Variants in GPC5 observed in about 807,000 individuals in gnomAD.
GPC5 encodes glypican-5.
A neutral mutation model predicts 53.9 loss-of-function variants in GPC5; 47 were observed. The observed-to-expected ratio is 0.87, with a 90% CI of 0.69 to 1.11. The LOEUF (loss-of-function observed/expected upper bound fraction) is 1.11. Ranked by LOEUF, GPC5 falls within the 50% of genes most tolerant of loss-of-function variation. GPC5 has a pLI of 0.00. For missense variants in GPC5, 748 were observed against 713.1 expected (o/e 1.05, Z -0.56); for synonymous variants, 286 against 263.3 (o/e 1.09, Z -0.84).
chr13:92,355,561 T>C (rs1030190282), intron 7 of GPC5, among the ~76,000 whole-genome samples: 2 of 152,184 alleles, frequency 1.3e-5, no homozygotes, highest in African/African-American at 4.8e-5. Flanking sequence ...TCCCTGTTTT[T>C]CCCCTTTATT....
At chr13:91,670,751 A>G (rs2035226073) in intron 2 of GPC5, among the ~76,000 whole-genome samples, 1 of 152,130 alleles carries the variant, frequency 6.6e-6, no homozygotes, top group Non-Finnish European at 1.5e-5. Flanking sequence ...AATGTGAAAT[A>G]ATTTCTGGGG....
At chr13:91,636,418 G>A (rs1361010655) in intron 2 of GPC5, among the ~76,000 whole-genome samples, 4 of 151,756 alleles carry the variant, frequency 2.6e-5, no homozygotes, top group South Asian at 4.1e-4. Flanking sequence ...GTATATACAC[G>A]TGTGTGCAGT....
At chr13:91,813,448 T>C (rs1165000515) in intron 5 of GPC5, among the ~76,000 whole-genome samples, 2 of 152,180 alleles carry the variant, frequency 1.3e-5, no homozygotes, top group Non-Finnish European at 2.9e-5. Flanking sequence ...CAAATTCTTG[T>C]TTAGAATGAC....
At chr13:91,637,855 G>A (rs368392626) in intron 2 of GPC5, among the ~76,000 whole-genome samples, 1 of 152,222 alleles carries the variant, frequency 6.6e-6, no homozygotes, top group African/African-American at 2.4e-5. Context: ...GCACTGGACT[G>A]AGATGAAGAC....
At chr13:92,842,521 C>G (rs1220177707) in intron 7 of GPC5, among the ~76,000 whole-genome samples, 1 of 151,918 alleles carries the variant, frequency 6.6e-6, no homozygotes, top group Admixed American at 6.6e-5. Flanking sequence ...ACTAGGCATA[C>G]AAATAACATT....
chr13:92,757,176 C>T (rs575203600), intron 7 of GPC5, among the ~76,000 whole-genome samples: 7 of 152,156 alleles, frequency 4.6e-5, no homozygotes, highest in Admixed American at 3.9e-4. Flanking sequence ...GAAATAACGC[C>T]GCATATCTAC....
At position 91,565,225 on chromosome 13, in the gene GPC5, G is replaced by A. The variant is rs944600917; in HGVS notation, c.325+116303G>A. Among the ~76,000 whole-genome samples, 5 of 152,004 alleles carry A rather than the reference G, an allele frequency of 3.3e-5. 1 individual carries two copies. The highest frequency in any genetic ancestry group is 4.4e-5 in the Non-Finnish European group (3 of 67,998). ...GGCTGGTCTTGAACTCCTGATCTCC[G>A]GTTATCTGCCCACCTCTGCCTCCCA... On this transcript the variant is annotated intron_variant, in intron 2 of 7. Transcript: ENST00000377067.
rs112535668 is a variant in GPC5 at position 91,443,019 on chromosome 13, G to A, written c.164-5742G>A. 7.5e-3 allele frequency among the ~76,000 whole-genome samples: 1,143 copies of A among 152,156 alleles called. 22 individuals carry two copies. Among genetic ancestry groups the A allele is most frequent in the African/African-American group, 0.026 (1,083 of 41,504 alleles). ...TAATCTTCCCTCATCATCCTGTAAA[G>A]CTGACAAACTTTAAAAAATCAATAC... On this transcript the variant is annotated intron_variant, in intron 1 of 7. Transcript: ENST00000377067.
At chr13:91,478,834 CATATATATACACATTATATATATAT>C (rs1883112500) in intron 2 of GPC5, among the ~76,000 whole-genome samples, 6 of 78,392 alleles carry the variant, frequency 7.7e-5, no homozygotes, top group African/African-American at 2.8e-4. Flanking sequence ...CACACACACA[CATATATATACACATTATATATATAT>C]ACACACACAT....
At chr13:91,706,684 A>G (rs72643270) in intron 3 of GPC5, among the ~76,000 whole-genome samples, 2 of 152,162 alleles carry the variant, frequency 1.3e-5, no homozygotes, top group Non-Finnish European at 2.9e-5. Context: ...CTGCTCCCCA[A>G]GTAGGGGAGA....
chr13:91,827,597 C>G (rs1239902598), intron 5 of GPC5, among the ~76,000 whole-genome samples: 1 of 151,964 alleles, frequency 6.6e-6, no homozygotes, highest in Admixed American at 6.6e-5. Context: ...AAATGTAAAT[C>G]AAGACCCTAG....
At position 92,028,506 on chromosome 13, in the gene GPC5, G is replaced by A. The variant is rs77223234; in HGVS notation, c.1402-116324G>A. ...TCTCCCAAATTAATTTCTAATTGTC[G>A]AATTCAGTGGGTTTCCTCTGAAAAA... On this transcript the variant is annotated intron_variant, in intron 6 of 7. Coordinates refer to ENST00000377067, the MANE Select transcript of GPC5 (RefSeq NM_004466.6). 3.6e-4 allele frequency among the ~76,000 whole-genome samples: 54 copies of A among 152,042 alleles called. 1 individual carries two copies. The highest frequency in any genetic ancestry group is 1.0e-3 in the African/African-American group (43 of 41,486).
chr13:92,070,323 C>G (rs1850253923), intron 6 of GPC5, among the ~76,000 whole-genome samples: 1 of 152,182 alleles, frequency 6.6e-6, no homozygotes, highest in Non-Finnish European at 1.5e-5. Context: ...CATTGCATTA[C>G]TACCTGAATA....
chr13:91,582,955 C>T (rs577060412), intron 2 of GPC5, among the ~76,000 whole-genome samples: 1 of 152,126 alleles, frequency 6.6e-6, no homozygotes, highest in African/African-American at 2.4e-5. Flanking sequence ...GAGCCGAGAT[C>T]ATTCCACTGC....
At chr13:91,455,301 A>G (rs1881462145) in intron 2 of GPC5, among the ~76,000 whole-genome samples, 1 of 152,036 alleles carries the variant, frequency 6.6e-6, no homozygotes, top group Admixed American at 6.6e-5. Flanking sequence ...AAGTAGCAAA[A>G]CCAATTGAAA....
intron 2 of GPC5, among the ~76,000 whole-genome samples, chr13:91,461,242 T>C (rs1881911921): frequency 6.6e-6 from 1 of 152,174 alleles, no homozygotes; most frequent in African/African-American, 2.4e-5. Flanking sequence ...GGGCATAGAC[T>C]TAACTTGAAT....
At chr13:92,173,277 C>A (rs535286957) in intron 7 of GPC5, among the ~76,000 whole-genome samples, 1 of 152,024 alleles carries the variant, frequency 6.6e-6, no homozygotes, top group South Asian at 2.1e-4. Context: ...TCCTGGCCAC[C>A]TTTCATTTAG....
At chr13:92,643,885 G>A (rs9523743) in intron 7 of GPC5, among the ~76,000 whole-genome samples, 86,575 of 150,802 alleles carry the variant, frequency 0.57, 28,627 homozygotes, top group Non-Finnish European at 0.77. Flanking sequence ...AATAAAAAAA[G>A]AACACACACA....
intron 6 of GPC5, among the ~76,000 whole-genome samples, chr13:91,935,870 G>A (rs2039865658): frequency 6.6e-6 from 1 of 151,936 alleles, no homozygotes; most frequent in Non-Finnish European, 1.5e-5. Flanking sequence ...AGATCTCATA[G>A]ATATAGATGA....
Sources: allele counts gnomAD v4.1 joint callset (sites outside exome capture counted in the v4.1 genomes callset), GRCh38; gene constraint gnomAD v4.1.1; transcripts MANE v1.5; gene names NCBI Gene and HGNC (gene_info 2026-07-23, HGNC 2026-07-21).